Variants in IQCJ observed in about 807,000 individuals in gnomAD.
The protein encoded by IQCJ is IQ domain-containing protein J.
Under a neutral mutation model 11.0 loss-of-function variants are expected in IQCJ, and 9 were observed. That is an observed-to-expected ratio of 0.82 (90% CI 0.49 to 1.43). The LOEUF is 1.43. IQCJ is among the 40% of genes most tolerant of loss of function. The probability of loss-of-function intolerance (pLI) is 0.00; values close to 1 mark genes in which losing one functional copy is unlikely to be tolerated. For synonymous variants in IQCJ, 55 were observed against 51.3 expected (o/e 1.07, Z -0.31); for missense variants, 146 against 133.2 (o/e 1.10, Z -0.47).
chr3:159,132,540 G>T (rs1454068195), intron 1 of IQCJ, among the ~76,000 whole-genome samples: 1 of 152,076 alleles, frequency 6.6e-6, no homozygotes, highest in Admixed American at 6.6e-5. Context: ...CAAATAATGT[G>T]GTTGCCAATA....
chr3:159,087,405 T>A (rs1716864261), intron 1 of IQCJ, among the ~76,000 whole-genome samples: 1 of 146,486 alleles, frequency 6.8e-6, no homozygotes, highest in African/African-American at 2.5e-5. Flanking sequence ...TCTGCCTGGC[T>A]TTGGTATCAG....
intron 3 of IQCJ, among the ~76,000 whole-genome samples, chr3:159,261,339 AC>A (rs921949345): frequency 8.5e-5 from 13 of 152,100 alleles, no homozygotes; most frequent in South Asian, 6.2e-4. Context: ...GTGTTCAGTG[AC>A]CCCCCCTATG....
intron 1 of IQCJ, among the ~76,000 whole-genome samples, chr3:159,156,620 A>G (rs1721535274): frequency 6.6e-6 from 1 of 152,192 alleles, no homozygotes; most frequent in Non-Finnish European, 1.5e-5. Flanking sequence ...GTGTTTTCCA[A>G]AAAGCTTCTT....
At chr3:159,222,119 C>CT (rs1466379242) in intron 1 of IQCJ, among the ~76,000 whole-genome samples, 1 of 152,040 alleles carries the variant, frequency 6.6e-6, no homozygotes, top group Non-Finnish European at 1.5e-5. Flanking sequence ...AATAGAACTC[C>CT]TATATGATCC....
chr3:159,248,466 C>G (rs1308541398), intron 2 of IQCJ, among the ~76,000 whole-genome samples: 2 of 152,186 alleles, frequency 1.3e-5, no homozygotes, highest in African/African-American at 4.8e-5. Flanking sequence ...TAAACAATAA[C>G]TAAAGAGTTT....
chr3:159,231,326 A>G (rs550362691), intron 1 of IQCJ, among the ~76,000 whole-genome samples: 1 of 152,288 alleles, frequency 6.6e-6, no homozygotes, highest in East Asian at 1.9e-4. Flanking sequence ...ATCTTTATAT[A>G]TGTGTTCAGT....
intron 1 of IQCJ, among the ~76,000 whole-genome samples, chr3:159,179,525 AG>A (rs984193108): frequency 1.3e-5 from 2 of 152,190 alleles, no homozygotes; most frequent in African/African-American, 4.8e-5. Context: ...GAAAATAAAA[AG>A]GCTCTCAAAA....
intron 1 of IQCJ, among the ~76,000 whole-genome samples, chr3:159,134,077 T>C (rs926686948): frequency 1.3e-5 from 2 of 152,016 alleles, no homozygotes; most frequent in South Asian, 2.1e-4. Flanking sequence ...TCACCTTTGC[T>C]AGGTCACAGC....
chr3:159,168,991 G>C (rs1407650369), intron 1 of IQCJ, among the ~76,000 whole-genome samples: 1 of 151,806 alleles, frequency 6.6e-6, no homozygotes, highest in African/African-American at 2.4e-5. Context: ...TGATGATGAT[G>C]ATGATGATAA....
chr3:159,105,723 G>T (rs887930288), intron 1 of IQCJ, among the ~76,000 whole-genome samples: 1 of 152,124 alleles, frequency 6.6e-6, no homozygotes, highest in African/African-American at 2.4e-5. Flanking sequence ...AACACGTCTG[G>T]TGGTATAAGG....
chr3:159,127,535 T>G (rs1719745708), intron 1 of IQCJ, among the ~76,000 whole-genome samples: 1 of 152,202 alleles, frequency 6.6e-6, no homozygotes, highest in Non-Finnish European at 1.5e-5. Flanking sequence ...CATCTATTTG[T>G]GTTTCAAGAG....
intron 1 of IQCJ, among the ~76,000 whole-genome samples, chr3:159,217,650 C>T (rs1725306710): frequency 6.6e-6 from 1 of 152,146 alleles, no homozygotes; most frequent in African/African-American, 2.4e-5. Flanking sequence ...AGGGAACATT[C>T]TTCTACTTTG....
intron 1 of IQCJ, among the ~76,000 whole-genome samples, chr3:159,216,898 C>T (rs1253616153): frequency 6.6e-6 from 1 of 152,150 alleles, no homozygotes; most frequent in Non-Finnish European, 1.5e-5. Flanking sequence ...ACAATCCAAA[C>T]TGCAAAATCA....
chr3:159,134,981 A>G (rs1274005923), intron 1 of IQCJ, among the ~76,000 whole-genome samples: 3 of 152,174 alleles, frequency 2.0e-5, no homozygotes, highest in Non-Finnish European at 4.4e-5. Flanking sequence ...ACATTATACT[A>G]AAAATGTCAG....
intron 1 of IQCJ, among the ~76,000 whole-genome samples, chr3:159,214,575 T>A (rs1354708087): frequency 6.6e-6 from 1 of 152,222 alleles, no homozygotes; most frequent in South Asian, 2.1e-4. Flanking sequence ...TGACTCAATT[T>A]CTACATGTGG....
chr3:159,168,160 A>C lies in IQCJ; in HGVS notation c.10-77683A>C, dbSNP rs141733464. The stretch of plus-strand genomic sequence containing the variant: ...CAGTCCTGTTTCAAAGTACATCTGC[A>C]GAAGTTCTCACTGCTAGGGATCCGG... On this transcript the variant is annotated intron_variant, in intron 1 of 3. Transcript: ENST00000397832. Among the ~76,000 whole-genome samples, 28 of 152,336 alleles carry C rather than the reference A, an allele frequency of 1.8e-4. No homozygotes were observed. The East Asian group carries it at 5.2e-3, about 28-fold the overall frequency.
chr3:159,130,957 C>T (rs1327072848), intron 1 of IQCJ, among the ~76,000 whole-genome samples: 1 of 152,326 alleles, frequency 6.6e-6, no homozygotes, highest in South Asian at 2.1e-4. Flanking sequence ...TAATCCTTAA[C>T]TCCTTCATCT....
At chr3:159,141,826 A>G (rs1450590145) in intron 1 of IQCJ, among the ~76,000 whole-genome samples, 4 of 152,220 alleles carry the variant, frequency 2.6e-5, no homozygotes, top group African/African-American at 9.6e-5. Flanking sequence ...CATACACTTG[A>G]GCATTAATTA....
At chr3:159,200,753 T>G (rs1307410363) in intron 1 of IQCJ, among the ~76,000 whole-genome samples, 1 of 152,178 alleles carries the variant, frequency 6.6e-6, no homozygotes, top group African/African-American at 2.4e-5. Context: ...AGGATATGGC[T>G]TCTGGCATCC....
Sources: gnomAD v4.1 joint callset for allele counts (sites outside exome capture counted in the v4.1 genomes callset) on GRCh38, gnomAD v4.1.1 for gene constraint, MANE v1.5 for transcripts, NCBI Gene and HGNC (gene_info 2026-07-23, HGNC 2026-07-21) for gene names.